NCK1: variants seen among roughly 807,000 people sequenced by gnomAD.
The protein encoded by NCK1 is SH2/SH3 adapter protein NCK1.
A neutral mutation model predicts 36.6 loss-of-function variants in NCK1; 19 were observed. That is an observed-to-expected ratio of 0.52 (90% confidence interval 0.36 to 0.76). The LOEUF (loss-of-function observed/expected upper bound fraction) is 0.76. Among genes scored for constraint, NCK1 ranks in the 30% least tolerant of loss-of-function variants. The probability of loss-of-function intolerance (pLI) is 0.00; values close to 1 mark genes in which losing one functional copy is unlikely to be tolerated. For synonymous variants in NCK1, 165 were observed against 156.0 expected, an observed-to-expected ratio of 1.06 and a Z score of -0.43; for missense variants, 358 against 445.6, an observed-to-expected ratio of 0.80 and a Z score of 1.77.
Position 136,928,008 on chromosome 3 carries a change from G to C in NCK1, c.7G>C (p.Glu3Gln). Residue 3 changes from glutamate (E) to glutamine (Q), a missense_variant, in exon 2 of 4, where the codon GAA (glutamate) becomes CAA (glutamine). Around this residue, in one of 3 missense-constraint regions of NCK1, gnomAD observed 143 missense variants for 162.4 expected, o/e 0.88. Coordinates refer to ENST00000481752, the MANE Select transcript of NCK1 (RefSeq NM_001291999.2). ...GTGCTGAAGCTGCTGAAAGATGGCA[G>C]AAGAAGTGGTGGTAGTAGCCAAATT... Reference protein sequence around the residue: MAEEVVVVAKFDY... With the variant: MAQEVVVVAKFDY... The C allele has an allele frequency of 6.2e-7, 1 of 1,612,304 alleles. No individual in the cohort carries two copies. The highest frequency in any genetic ancestry group is 2.2e-5 in the East Asian group (1 of 44,870).
chr3:136,948,560 A>G lies in NCK1; in HGVS notation c.*107A>G. 3 of 951,266 alleles carry G rather than the reference A, an allele frequency of 3.2e-6. No individual in the cohort carries two copies. The Middle Eastern group carries it at 1.0e-3, about 322-fold the overall frequency. The allele number at this position is 951,266 out of a possible 1,614,324, so 58.9% of individuals were successfully genotyped here. A position where few individuals can be genotyped will look rare whatever the true frequency, so the allele number is the denominator to read the frequency against. On this transcript the variant is annotated 3_prime_UTR_variant, in exon 4 of 4. Transcript: ENST00000481752. ...CTTGATTGGAAATTGTTGTTTCTAA[A>G]TCTATATGAGAATTGACAATAAGTA...
At chr3:136,913,659 T>G (rs1311381129) in intron 1 of NCK1, among the ~76,000 whole-genome samples, 3 of 151,896 alleles carry the variant, frequency 2.0e-5, no homozygotes, top group Non-Finnish European at 4.4e-5. Context: ...TTTTGTTTTG[T>G]TTTTTGTTTG....
In NCK1 at chr3:136,874,251, C is replaced by T. The variant is rs149735765; in HGVS notation, c.-19+11898C>T. ...AGTGCAGTGGTGCGATCTCAGCTCA[C>T]TGCAACTTCTGCCTCCCAGGTTCAA... is the stretch of plus-strand genomic sequence containing the variant. On this transcript the variant is annotated intron_variant, in intron 1 of 3. Transcript: ENST00000481752. 7.5e-3 allele frequency among the ~76,000 whole-genome samples: 1,139 copies of T among 152,302 alleles called. 20 individuals are homozygous for T. Among genetic ancestry groups the T allele is most frequent in the African/African-American group, 0.026 (1,084 of 41,560 alleles).
At chr3:136,906,357 G>A (rs749686192) in intron 1 of NCK1, among the ~76,000 whole-genome samples, 1 of 152,048 alleles carries the variant, frequency 6.6e-6, no homozygotes, top group Non-Finnish European at 1.5e-5. Context: ...TGATCCTCCC[G>A]CCTCAGCCTC....
At chr3:136,908,844 C>T (rs1224154194) in intron 1 of NCK1, among the ~76,000 whole-genome samples, 2 of 152,144 alleles carry the variant, frequency 1.3e-5, no homozygotes, top group Non-Finnish European at 2.9e-5. Context: ...GGGATATATA[C>T]AGTATAGTGC....
chr3:136,947,465 A>C (rs1008889282), intron 3 of NCK1, among the ~76,000 whole-genome samples: 5 of 152,190 alleles, frequency 3.3e-5, no homozygotes, highest in African/African-American at 1.2e-4. Flanking sequence ...TTAAGGTTAG[A>C]GGTCTCAAGT....
chr3:136,933,003 A>G (rs1940433358), intron 2 of NCK1, among the ~76,000 whole-genome samples: 1 of 152,260 alleles, frequency 6.6e-6, no homozygotes, highest in African/African-American at 2.4e-5. Context: ...TAAAATCAAG[A>G]TAGAAATAAA....
Position 136,945,731 on chromosome 3 carries a change from A to G in NCK1, c.375A>G (p.Leu125=). The G allele has an allele frequency of 2.5e-6, 4 of 1,614,178 alleles. No individual in the cohort carries two copies. The highest frequency in any genetic ancestry group is 3.4e-6 in the Non-Finnish European group (4 of 1,180,026). Residue 125 remains leucine (L), a synonymous_variant, in exon 3 of 4, where the codon TTA becomes TTG. Transcript: ENST00000481752. The stretch of plus-strand genomic sequence containing the variant: ...ACATGGCTGAGAGAGAGGATGAATT[A>G]TCATTGATAAAGGGGACAAAGGTGA... The part of the protein sequence containing the change: ...FNYMAEREDE[L]SLIKGTKVIV...
chr3:136,875,845 T>C (rs1333805535), intron 1 of NCK1, among the ~76,000 whole-genome samples: 3 of 150,600 alleles, frequency 2.0e-5, no homozygotes, highest in African/African-American at 4.9e-5. Context: ...ATCAACAGAA[T>C]ATACATTTTT....
At position 136,893,178 on chromosome 3, in the gene NCK1, GTA is replaced by G. The variant is rs374545343; in HGVS notation, c.-19+30838_-19+30839del. ...TGTGTGTGTGTGTGTGTGTGTGTGT[GTA>G]TATATATATATACACACATGTGCAA... On this transcript the variant is annotated intron_variant, in intron 1 of 3. Coordinates refer to ENST00000481752, the MANE Select transcript of NCK1 (RefSeq NM_001291999.2). 6.4e-4 allele frequency among the ~76,000 whole-genome samples: 22 copies of G among 34,618 alleles called. 1 individual carries two copies. The highest frequency in any genetic ancestry group is 1.2e-3 in the South Asian group (1 of 860). The allele number at this position is 34,618 out of a possible 152,430, so 22.7% of individuals were successfully genotyped here.
chr3:136,878,673 G>T (rs1449148539), intron 1 of NCK1, among the ~76,000 whole-genome samples: 1 of 149,748 alleles, frequency 6.7e-6, no homozygotes, highest in Admixed American at 6.8e-5. Context: ...AAATGAGTGA[G>T]TTTTATGATA....
At chr3:136,915,977 C>T (rs1478964034) in intron 1 of NCK1, among the ~76,000 whole-genome samples, 3 of 152,110 alleles carry the variant, frequency 2.0e-5, no homozygotes, top group African/African-American at 2.4e-5. Flanking sequence ...CTGCCCACCT[C>T]GGCCTCCTAA....
chr3:136,900,792 A>AGC (rs756573751), intron 1 of NCK1, among the ~76,000 whole-genome samples: 4 of 152,164 alleles, frequency 2.6e-5, no homozygotes, highest in Non-Finnish European at 5.9e-5. Flanking sequence ...GAATTTATTT[A>AGC]GCAGAACTAA....
At chr3:136,863,700 T>A (rs898071450) in intron 1 of NCK1, among the ~76,000 whole-genome samples, 4 of 152,238 alleles carry the variant, frequency 2.6e-5, no homozygotes, top group Non-Finnish European at 4.4e-5. Context: ...ATGTATTAAA[T>A]TTTAAAATGT....
chr3:136,892,680 C>CT (rs1560038103), intron 1 of NCK1, among the ~76,000 whole-genome samples: 1 of 151,618 alleles, frequency 6.6e-6, no homozygotes, highest in Non-Finnish European at 1.5e-5. Flanking sequence ...CTGTTTTAGA[C>CT]TTAATGACCT....
chr3:136,896,788 T>C (rs1939403564), intron 1 of NCK1, among the ~76,000 whole-genome samples: 1 of 151,652 alleles, frequency 6.6e-6, no homozygotes, highest in South Asian at 2.1e-4. Context: ...GACCTAGCAC[T>C]GTGCCTGGCC....
At chr3:136,915,547 A>G (rs1330209430) in intron 1 of NCK1, among the ~76,000 whole-genome samples, 1 of 152,220 alleles carries the variant, frequency 6.6e-6, no homozygotes, top group Non-Finnish European at 1.5e-5. Context: ...AATGGGAGGC[A>G]TGATAAACTT....
At chr3:136,939,801 G>A (rs992175530) in intron 2 of NCK1, among the ~76,000 whole-genome samples, 3 of 143,304 alleles carry the variant, frequency 2.1e-5, no homozygotes, top group Admixed American at 2.1e-4. Flanking sequence ...GGTCAGAAAA[G>A]ATACTTTGTA....
intron 2 of NCK1, among the ~76,000 whole-genome samples, chr3:136,939,986 G>A (rs1015984784): frequency 6.6e-6 from 1 of 151,680 alleles, no homozygotes; most frequent in Non-Finnish European, 1.5e-5. Context: ...TGAGTAGCTG[G>A]AACTACAGGA....
Sources: allele counts gnomAD v4.1 joint callset (sites outside exome capture counted in the v4.1 genomes callset), GRCh38; gene constraint gnomAD v4.1.1; regional missense constraint gnomAD v4.1.1; transcripts MANE v1.5; gene names NCBI Gene and HGNC (gene_info 2026-07-23, HGNC 2026-07-21).